The following DPF3 variants were observed in gnomAD, a reference collection of about 807,000 sequenced individuals.
DPF3 encodes zinc finger protein DPF3.
In DPF3, 18 loss-of-function variants were observed where a neutral mutation model predicts 56.8. That is an observed-to-expected ratio of 0.32 (90% CI 0.22 to 0.47). The LOEUF (loss-of-function observed/expected upper bound fraction) is 0.47, where lower values mean the gene tolerates loss of function less well. Ranked by LOEUF, DPF3 falls within the 20% of genes least tolerant of loss-of-function variation. The pLI, the probability that DPF3 is intolerant of heterozygous loss-of-function variation, is 1.00. For missense variants in DPF3, 403 were observed against 488.8 expected, an observed-to-expected ratio of 0.82 and a Z score of 1.65; for synonymous variants, 188 against 180.2, an observed-to-expected ratio of 1.04 and a Z score of -0.35.
intron 4 of DPF3, 46 bp downstream of exon 4, chr14:72,731,761 T>C (rs763795228): frequency 4.3e-6 from 7 of 1,610,764 alleles, no homozygotes; most frequent in Non-Finnish European, 5.9e-6. Context: ...GGAAGCGCTA[T>C]GGTGACAGGA....
At chr14:72,632,528 TA>T (rs1567184186) in intron 8 of DPF3, among the ~76,000 whole-genome samples, 2 of 116,308 alleles carry the variant, frequency 1.7e-5, no homozygotes. Context: ...GGAAAACAAA[TA>T]AAAAATTAAA....
Position 72,836,521 on chromosome 14 carries a change from G to A in DPF3, c.32+57536C>T, listed in dbSNP as rs979230438. 9 of 985,180 alleles carry A rather than the reference G, an allele frequency of 9.1e-6. No individual in the cohort carries two copies. In the African/African-American group the frequency reaches 1.2e-4, roughly 13 times the overall value. 61.0% of individuals were successfully genotyped at this position (985,180 alleles called of 1,614,324 possible). On this transcript the variant is annotated intron_variant, in intron 1 of 10. Transcript: ENST00000556509. ...CTTGGGGTTCTGACCACCTCGTGGG[G>A]AGATTATGATTGCCCTGTGGTTGCC... is the stretch of plus-strand genomic sequence containing the variant.
In DPF3 at chr14:72,693,135, TC is replaced by T; in HGVS notation, c.682del (p.Asp228MetfsTer44). On this transcript the variant is annotated frameshift_variant, in exon 7 of 11. Transcript: ENST00000556509. LOFTEE classifies it high-confidence loss of function. Reference protein sequence around the residue: ...AHTHLASEEGDEAQDQETRSP... With the variant: ...AHTHLASEEGXEAQDQETRSP... ...CCGAGTCTCCTGGTCTTGAGCTTCA[TC>T]CCCCTCCTCGCTGGCCAGGTGAGTG... 1 of 1,613,822 alleles carries T rather than the reference TC, an allele frequency of 6.2e-7. No individual in the cohort carries two copies. Among genetic ancestry groups the T allele is most frequent in the Non-Finnish European group, 8.5e-7 (1 of 1,179,842 alleles).
At chr14:72,790,994 G>C (rs1287674935) in intron 1 of DPF3, among the ~76,000 whole-genome samples, 1 of 152,134 alleles carries the variant, frequency 6.6e-6, no homozygotes, top group Non-Finnish European at 1.5e-5. Flanking sequence ...TGCCGAGAGA[G>C]GGAAGAGAGA....
chr14:72,628,549 A>AG (rs1340741271), intron 9 of DPF3, among the ~76,000 whole-genome samples: 1 of 152,212 alleles, frequency 6.6e-6, no homozygotes, highest in Non-Finnish European at 1.5e-5. Context: ...GGTCATCAAT[A>AG]GATGCTACCT....
intron 3 of DPF3, among the ~76,000 whole-genome samples, chr14:72,747,473 G>A (rs1243570446): frequency 6.6e-6 from 1 of 152,016 alleles, no homozygotes; most frequent in African/African-American, 2.4e-5. Context: ...TACCCTATGA[G>A]GAGAAGAGAG....
intron 1 of DPF3, among the ~76,000 whole-genome samples, chr14:72,886,046 A>G (rs8012359): frequency 0.13 from 19,702 of 152,184 alleles, 1,623 homozygotes; most frequent in South Asian, 0.26. Flanking sequence ...GTATTGTTTA[A>G]TGCATACAAA....
Position 72,629,839 on chromosome 14 carries a change from AGGGTAGCATGACGTAGGGAAAAAAAT to A in DPF3, c.872-129_872-104del, listed in dbSNP as rs1435623441. The A allele has an allele frequency of 2.6e-4, 256 of 980,490 alleles. 1 individual carries two copies. In the East Asian group the frequency reaches 6.5e-3, roughly 25 times the overall value. The allele number at this position is 980,490 out of a possible 1,614,324, so 60.7% of individuals were successfully genotyped here. A position where few individuals can be genotyped will look rare whatever the true frequency, so the allele number is the denominator to read the frequency against. On this transcript the variant is annotated intron_variant, in intron 8 of 10. Transcript: ENST00000556509. ...TTGATGCCCAGTGTGCAGGCAGGGC[AGGGTAGCATGACGTAGGGAAAAAAAT>A]GGGGACCCAAACAGGGCCCTACCCA...
At chr14:72,701,059 G>A (rs762123383) in intron 6 of DPF3, among the ~76,000 whole-genome samples, 30 of 152,272 alleles carry the variant, frequency 2.0e-4, no homozygotes, top group African/African-American at 3.9e-4. Flanking sequence ...TTATCATGTC[G>A]GCATTCTCAC....
At chr14:72,689,030 G>A (rs931250665) in intron 7 of DPF3, among the ~76,000 whole-genome samples, 1 of 152,256 alleles carries the variant, frequency 6.6e-6, no homozygotes, top group East Asian at 1.9e-4. Flanking sequence ...AAAGGCGTGA[G>A]AGCATCAGCT....
rs988737325 is a variant in DPF3, at chr14:72,611,930, C to T, written c.*7367G>A. Among the ~76,000 whole-genome samples the T allele has an allele frequency of 1.3e-5, 2 of 152,120 alleles. No individual in the cohort carries two copies. Among genetic ancestry groups the T allele is most frequent in the Admixed American group, 6.5e-5 (1 of 15,272 alleles). The stretch of plus-strand genomic sequence containing the variant: ...TGGCGCGATACTTGACCTACAATCA[C>T]GATTGCTTGGCAGAGCTTAATTTCA... On this transcript the variant is annotated 3_prime_UTR_variant, in exon 11 of 11. Transcript: ENST00000556509.
chr14:72,621,253 C>G (rs1353494050), intron 9 of DPF3, among the ~76,000 whole-genome samples: 1 of 152,044 alleles, frequency 6.6e-6, no homozygotes, highest in Non-Finnish European at 1.5e-5. Context: ...CCCTTGGGGG[C>G]AAAATCTTGT....
Position 72,709,305 on chromosome 14 carries a change from G to A in DPF3, c.604+5118C>T, listed in dbSNP as rs578091791. 7.9e-4 allele frequency among the ~76,000 whole-genome samples: 120 copies of A among 152,310 alleles called. No individual in the cohort carries two copies. In the Middle Eastern group the frequency reaches 0.01, roughly 13 times the overall value. On this transcript the variant is annotated intron_variant, in intron 6 of 10. Transcript: ENST00000556509. ...GGTGTGTGACACCTGACGTGACTCAGGAGTGAGTCATGCTTCTAGGAGGGC... is the reference window on the plus strand; with the variant it reads ...GGTGTGTGACACCTGACGTGACTCAAGAGTGAGTCATGCTTCTAGGAGGGC...
intron 8 of DPF3, chr14:72,661,989 T>A: frequency 1.0e-6 from 1 of 984,290 alleles, no homozygotes; most frequent in Non-Finnish European, 1.2e-6. Context: ...ACATGATAAC[T>A]AGGAGGCAGG....
rs187968406 is a variant in DPF3, at chr14:72,830,989, G to A, written c.33-59096C>T. 4.8e-3 allele frequency among the ~76,000 whole-genome samples: 737 copies of A among 152,188 alleles called. 7 individuals carry two copies. The highest frequency in any genetic ancestry group is 0.017 in the African/African-American group (719 of 41,524). On this transcript the variant is annotated intron_variant, in intron 1 of 10. Coordinates refer to ENST00000556509, the MANE Select transcript of DPF3 (RefSeq NM_001280542.3). The stretch of plus-strand genomic sequence containing the variant: ...GAGCACTGTGGAAGCCGTATCAATC[G>A]CCCCCACCTATGAGAGCCTTTCTTC...
At chr14:72,789,975 G>A (rs1018748272) in intron 1 of DPF3, among the ~76,000 whole-genome samples, 21 of 152,142 alleles carry the variant, frequency 1.4e-4, no homozygotes, top group Non-Finnish European at 2.8e-4. Context: ...TATAGGCTAG[G>A]TGTGGGTGGC....
intron 2 of DPF3, among the ~76,000 whole-genome samples, chr14:72,765,621 G>GA (rs1376400580): frequency 6.6e-6 from 1 of 152,240 alleles, no homozygotes; most frequent in Non-Finnish European, 1.5e-5. Context: ...TATGCTAAGT[G>GA]AAAGAAGCCA....
At chr14:72,679,158 G>C (rs1263416504) in intron 7 of DPF3, 1 of 152,228 alleles carries the variant, frequency 6.6e-6, no homozygotes, top group East Asian at 1.9e-4. Context: ...CGCCCAGGCA[G>C]CACCGCCTCT....
chr14:72,882,486 G>T (rs1047834784), intron 1 of DPF3, among the ~76,000 whole-genome samples: 2 of 152,206 alleles, frequency 1.3e-5, no homozygotes, highest in Admixed American at 6.5e-5. Context: ...ATGATTGGGG[G>T]AAAGTGTTTT....
Sources: gnomAD v4.1 joint callset for allele counts (sites outside exome capture counted in the v4.1 genomes callset) on GRCh38, gnomAD v4.1.1 for gene constraint, MANE v1.5 for transcripts, NCBI Gene and HGNC (gene_info 2026-07-23, HGNC 2026-07-21) for gene names.